The following IMPA1 variants were observed in gnomAD, a reference collection of about 807,000 sequenced individuals.
The protein encoded by IMPA1 is inositol monophosphatase 1.
A neutral mutation model predicts 34.9 loss-of-function variants in IMPA1; 21 were observed. That is an observed-to-expected ratio of 0.60 (90% CI 0.43 to 0.87). The LOEUF (loss-of-function observed/expected upper bound fraction) is 0.87, where lower values mean the gene tolerates loss of function less well. Ranked by LOEUF, IMPA1 falls within the 40% of genes least tolerant of loss-of-function variation. The pLI is 0.00. For synonymous variants in IMPA1, 95 were observed against 104.4 expected, an observed-to-expected ratio of 0.91 and a Z score of 0.55; for missense variants, 299 against 336.4, an observed-to-expected ratio of 0.89 and a Z score of 0.87.
rs1252428038 is a variant in IMPA1 at position 81,673,912 on chromosome 8, T to C, written c.386A>G (p.Lys129Arg). Residue 129 changes from lysine (K) to arginine (R), a missense_variant, in exon 6 of 9, where the codon AAG becomes AGG. By Grantham distance (26) the Lys-to-Arg change is conservative. Coordinates refer to ENST00000256108, the MANE Select transcript of IMPA1 (RefSeq NM_005536.4). ...FGVVYSCVEG[K>R]MYTARKGKGA... ...TTTTCCTTTTCTGGCAGTGTACATC[T>C]TGCCTTCCACACAACTGTACACAAC... The C allele has an allele frequency of 6.2e-7, 1 of 1,613,108 alleles. No homozygotes were observed. Among genetic ancestry groups the C allele is most frequent in the Non-Finnish European group, 8.5e-7 (1 of 1,179,306 alleles).
chr8:81,679,615 G>GAAA (rs35868443), intron 3 of IMPA1, among the ~76,000 whole-genome samples: 8 of 134,068 alleles, frequency 6.0e-5, no homozygotes, highest in East Asian at 2.1e-4. Flanking sequence ...TCTGTCTCAG[G>GAAA]AAAAAAAAAA....
At chr8:81,673,645 C>G (rs966664199) in intron 6 of IMPA1, among the ~76,000 whole-genome samples, 196 bp downstream of exon 6, 1 of 152,188 alleles carries the variant, frequency 6.6e-6, no homozygotes, top group South Asian at 2.1e-4. Flanking sequence ...AATGCTGAGC[C>G]TGAAGTGTTT....
intron 7 of IMPA1, among the ~76,000 whole-genome samples, chr8:81,661,761 G>A (rs574248875): frequency 1.3e-5 from 2 of 152,276 alleles, no homozygotes; most frequent in African/African-American, 4.8e-5. Flanking sequence ...TCATTGTACT[G>A]TGGCTATGTT....
intron 7 of IMPA1, among the ~76,000 whole-genome samples, chr8:81,668,694 G>T (rs1224139875): frequency 6.6e-6 from 1 of 152,204 alleles, no homozygotes; most frequent in Non-Finnish European, 1.5e-5. Flanking sequence ...GTGTTCAAAG[G>T]AGGAAACCGA....
intron 1 of IMPA1, among the ~76,000 whole-genome samples, chr8:81,682,322 A>T (rs1442170611): frequency 1.3e-5 from 2 of 152,186 alleles, no homozygotes. Flanking sequence ...TAGCACAGTA[A>T]AGCTTTTTAA....
chr8:81,672,938 T>A (rs544729758), intron 6 of IMPA1, among the ~76,000 whole-genome samples: 2 of 152,104 alleles, frequency 1.3e-5, no homozygotes, highest in Non-Finnish European at 2.9e-5. Context: ...ACAAGGACAG[T>A]GTGAAAGGAA....
chr8:81,669,286 G>A (rs143125601), intron 7 of IMPA1, among the ~76,000 whole-genome samples: 2 of 152,268 alleles, frequency 1.3e-5, no homozygotes, highest in African/African-American at 4.8e-5. Flanking sequence ...CCTCAGAACT[G>A]TGGAGTCACC....
intron 4 of IMPA1, among the ~76,000 whole-genome samples, chr8:81,676,887 G>A (rs1004261404): frequency 2.4e-4 from 37 of 152,062 alleles, no homozygotes; most frequent in Admixed American, 3.9e-4. Flanking sequence ...AAGCTTCCCC[G>A]GTAGGCTGAG....
At chr8:81,685,619 A>G (rs939462142) in intron 1 of IMPA1, 56 of 238,254 alleles carry the variant, frequency 2.4e-4, no homozygotes, top group Non-Finnish European at 3.5e-4. Flanking sequence ...TATACTATAC[A>G]TAAGTATATT....
At chr8:81,668,219 T>C (rs1806890547) in intron 7 of IMPA1, among the ~76,000 whole-genome samples, 1 of 152,146 alleles carries the variant, frequency 6.6e-6, no homozygotes, top group South Asian at 2.1e-4. Flanking sequence ...AGTAGCTGCA[T>C]GGTTACTTTT....
intron 1 of IMPA1, 147 bp downstream of exon 1, chr8:81,686,105 G>T: frequency 2.4e-6 from 2 of 841,744 alleles, no homozygotes; most frequent in Non-Finnish European, 3.2e-6. Context: ...TAACGCAGCA[G>T]GCAGGGGTCA....
At chr8:81,685,962 A>C (rs1302792772) in intron 1 of IMPA1, 1 of 1,498,014 alleles carries the variant, frequency 6.7e-7, no homozygotes, top group Non-Finnish European at 9.0e-7. Flanking sequence ...AGTTTCTAGG[A>C]GCTTTTCGGA....
chr8:81,669,109 G>A (rs1335900443), intron 7 of IMPA1, among the ~76,000 whole-genome samples: 2 of 152,338 alleles, frequency 1.3e-5, no homozygotes, highest in East Asian at 1.9e-4. Flanking sequence ...CCAGGGAACA[G>A]ACTTGTCTCA....
At position 81,658,682 on chromosome 8, in the gene IMPA1, G is replaced by A. The variant is rs530452182; in HGVS notation, c.*669C>T. On this transcript the variant is annotated 3_prime_UTR_variant, in exon 9 of 9. Coordinates refer to ENST00000256108, the MANE Select transcript of IMPA1 (RefSeq NM_005536.4). Reference sequence around the variant, plus strand: ...TGGTAATGTGAAATGGCATGGTAACGTGAAATAAAAAAAATTTAACTAGAT... The same window carrying A: ...TGGTAATGTGAAATGGCATGGTAACATGAAATAAAAAAAATTTAACTAGAT... The A allele has an allele frequency of 7.9e-5, 12 of 152,564 alleles. No individual in the cohort carries two copies. The highest frequency in any genetic ancestry group is 1.7e-4 in the African/African-American group (7 of 41,534). 9.5% of individuals were successfully genotyped at this position (152,564 alleles called of 1,614,324 possible).
chr8:81,679,243 TA>T lies in IMPA1; in HGVS notation c.198-14del, dbSNP rs1285146102. The T allele has an allele frequency of 1.3e-6, 2 of 1,503,424 alleles. No individual in the cohort carries two copies. The highest frequency in any genetic ancestry group is 9.3e-7 in the Non-Finnish European group (1 of 1,079,174). 93.1% of individuals were successfully genotyped at this position (1,503,424 alleles called of 1,614,324 possible). ...TTCACCAATGAAACTAAAAGCCAAG[TA>T]GGACAAACTCTTAATCTTTACACTG... is the stretch of plus-strand genomic sequence containing the variant. On this transcript the variant is annotated splice_polypyrimidine_tract_variant and intron_variant, in intron 3 of 8. Transcript: ENST00000256108.
At chr8:81,660,751 G>A (rs2130238613) in intron 7 of IMPA1, 84 bp from the exon 8 acceptor site, 10 of 1,125,248 alleles carry the variant, frequency 8.9e-6, no homozygotes, top group Middle Eastern at 2.2e-4. Context: ...TTTAAGTGTC[G>A]ATTGAAGAAA....
chr8:81,659,182 T>C lies in IMPA1; in HGVS notation c.*169A>G, dbSNP rs186229166. 9.2e-5 allele frequency: 56 copies of C among 608,612 alleles called. 1 individual carries two copies. Among genetic ancestry groups the C allele is most frequent in the Non-Finnish European group, 8.7e-6 (3 of 345,360 alleles). The allele number at this position is 608,612 out of a possible 1,614,324, so 37.7% of individuals were successfully genotyped here. A position where few individuals can be genotyped will look rare whatever the true frequency, so the allele number is the denominator to read the frequency against. On this transcript the variant is annotated 3_prime_UTR_variant, in exon 9 of 9. Transcript: ENST00000256108. ...TTTTAAATCAGTGAAACAAACATTA[T>C]GTCAATTCTTGCAAACCTAGACATA...
chr8:81,668,190 T>A (rs1269036117), intron 7 of IMPA1, among the ~76,000 whole-genome samples: 2 of 152,042 alleles, frequency 1.3e-5, no homozygotes, highest in Admixed American at 6.6e-5. Context: ...CAGAAAAAAA[T>A]TTCTAAACAA....
At chr8:81,675,789 T>C (rs752705593) in intron 5 of IMPA1, among the ~76,000 whole-genome samples, 4 of 152,348 alleles carry the variant, frequency 2.6e-5, no homozygotes, top group South Asian at 4.1e-4. Context: ...ACCTGAACTA[T>C]GTGTAGGTTC....
Sources: allele counts gnomAD v4.1 joint callset (sites outside exome capture counted in the v4.1 genomes callset), GRCh38; gene constraint gnomAD v4.1.1; transcripts MANE v1.5; gene names NCBI Gene and HGNC (gene_info 2026-07-23, HGNC 2026-07-21).